Variants in CUL3 observed in about 807,000 individuals in gnomAD.
CUL3 encodes cullin-3.
Under a neutral mutation model 89.1 loss-of-function variants are expected in CUL3, and 19 were observed. The ratio of observed to expected loss-of-function variants is 0.21; its 90% CI spans 0.15 to 0.31. The LOEUF (loss-of-function observed/expected upper bound fraction) is 0.31, where lower values mean the gene tolerates loss of function less well. Ranked by LOEUF, CUL3 falls within the 10% of genes least tolerant of loss-of-function variation. The probability of loss-of-function intolerance (pLI) is 1.00; values close to 1 mark genes in which losing one functional copy is unlikely to be tolerated. For missense variants in CUL3, 469 were observed against 942.3 expected (o/e 0.50, Z 6.58); for synonymous variants, 351 against 308.4 (o/e 1.14, Z -1.45).
At chr2:224,521,672 C>T (rs1351947966) in intron 3 of CUL3, among the ~76,000 whole-genome samples, 1 of 151,974 alleles carries the variant, frequency 6.6e-6, no homozygotes, top group African/African-American at 2.4e-5. Context: ...CCCGCCTCGG[C>T]CTCTCAAAGT....
chr2:224,566,437 C>G (rs183379003), intron 1 of CUL3, among the ~76,000 whole-genome samples: 2 of 152,338 alleles, frequency 1.3e-5, no homozygotes, highest in Admixed American at 6.5e-5. Context: ...CTTATCCCTT[C>G]CTGCCTTGTA....
chr2:224,580,757 G>T (rs542851335), intron 1 of CUL3, among the ~76,000 whole-genome samples: 1 of 152,012 alleles, frequency 6.6e-6, no homozygotes, highest in Non-Finnish European at 1.5e-5. Flanking sequence ...ATCTGGAGTA[G>T]TATCTATAAA....
chr2:224,500,104 T>C, intron 11 of CUL3: 1 of 321,406 alleles, frequency 3.1e-6, no homozygotes, highest in Non-Finnish European at 5.9e-6. Flanking sequence ...TTTCCATTTT[T>C]ACTGCTGCTC....
intron 6 of CUL3, among the ~76,000 whole-genome samples, chr2:224,511,053 C>A (rs941111479): frequency 6.6e-6 from 1 of 152,144 alleles, no homozygotes; most frequent in Non-Finnish European, 1.5e-5. Flanking sequence ...ACAGGAAGTA[C>A]AGGAATGAAT....
chr2:224,563,642 A>C (rs951030295), intron 1 of CUL3, among the ~76,000 whole-genome samples: 3 of 152,182 alleles, frequency 2.0e-5, no homozygotes, highest in Admixed American at 6.5e-5. Flanking sequence ...TAAACTTTAA[A>C]TTGCATGCCA....
intron 3 of CUL3, among the ~76,000 whole-genome samples, chr2:224,521,663 C>T (rs1396843564): frequency 6.6e-6 from 1 of 152,024 alleles, no homozygotes; most frequent in East Asian, 1.9e-4. Context: ...AACTCCTGAC[C>T]CGCCTCGGCC....
chr2:224,553,833 A>T (rs1694605605), intron 2 of CUL3, among the ~76,000 whole-genome samples: 1 of 152,196 alleles, frequency 6.6e-6, no homozygotes, highest in Non-Finnish European at 1.5e-5. Flanking sequence ...AATGGTGAGA[A>T]ATATTTGTTT....
At chr2:224,526,607 A>AAAAAAAAAAAAAAG (rs1693487960) in intron 3 of CUL3, among the ~76,000 whole-genome samples, 1 of 150,768 alleles carries the variant, frequency 6.6e-6, no homozygotes. Context: ...AAAAAAAAAA[A>AAAAAAAAAAAAAAG]AAAAGAAAAG....
chr2:224,510,188 G>T (rs1488596260), intron 6 of CUL3, among the ~76,000 whole-genome samples: 10 of 140,370 alleles, frequency 7.1e-5, no homozygotes, highest in Admixed American at 5.9e-4. Flanking sequence ...CTCAATTTTA[G>T]AAAACACAGC....
At chr2:224,489,605 G>A (rs1691877145) in intron 13 of CUL3, among the ~76,000 whole-genome samples, 1 of 152,108 alleles carries the variant, frequency 6.6e-6, no homozygotes, top group Non-Finnish European at 1.5e-5. Context: ...AATATTCTAT[G>A]CTCATGGATA....
chr2:224,478,580 T>TA lies in CUL3; in HGVS notation c.2030-236dup, dbSNP rs1048091144. On this transcript the variant is annotated intron_variant, in intron 14 of 15. Transcript: ENST00000264414. The stretch of plus-strand genomic sequence containing the variant: ...GAGATAATAAAGTTGATTTTGTTTT[T>TA]ATGCAGAATATAATTTCTTACCTGG... 1.9e-5 allele frequency: 7 copies of TA among 374,340 alleles called. No individual in the cohort carries two copies. The Admixed American group carries it at 2.5e-4, about 14-fold the overall frequency. 23.2% of individuals were successfully genotyped at this position (374,340 alleles called of 1,614,324 possible).
At chr2:224,476,377 T>C (rs1691322281) in intron 15 of CUL3, among the ~76,000 whole-genome samples, 1 of 152,196 alleles carries the variant, frequency 6.6e-6, no homozygotes, top group Non-Finnish European at 1.5e-5. Flanking sequence ...CAAAAACATC[T>C]GCCAATCTCT....
chr2:224,518,916 A>G (rs1693165100), intron 3 of CUL3, among the ~76,000 whole-genome samples: 1 of 152,208 alleles, frequency 6.6e-6, no homozygotes, highest in Non-Finnish European at 1.5e-5. Context: ...ATGGCCTACA[A>G]TGTCTGCTAT....
rs146980307 is a variant in CUL3, at chr2:224,554,457, T to A, written c.264+3202A>T. Among the ~76,000 whole-genome samples the A allele has an allele frequency of 3.2e-3, 486 of 152,316 alleles. 2 individuals are homozygous for A. The highest frequency in any genetic ancestry group is 4.9e-3 in the Non-Finnish European group (334 of 68,016). ...CCCCTTACACTGAATTTCAGCATAC[T>A]ACAACTTGATCATTCTACCTTAGGA... On this transcript the variant is annotated intron_variant, in intron 2 of 15. Coordinates refer to ENST00000264414, the MANE Select transcript of CUL3 (RefSeq NM_003590.5).
At chr2:224,488,962 G>A (rs976009050) in intron 13 of CUL3, among the ~76,000 whole-genome samples, 1 of 152,134 alleles carries the variant, frequency 6.6e-6, no homozygotes, top group African/African-American at 2.4e-5. Flanking sequence ...TTCAACATAT[G>A]CAAATCAATA....
intron 15 of CUL3, among the ~76,000 whole-genome samples, chr2:224,475,163 G>A (rs764162680): frequency 9.2e-5 from 14 of 151,868 alleles, no homozygotes; most frequent in Non-Finnish European, 1.8e-4. Context: ...GACTACAGGC[G>A]CCCACCACCA....
intron 1 of CUL3, among the ~76,000 whole-genome samples, chr2:224,572,093 A>G (rs1335025874): frequency 6.6e-6 from 1 of 152,212 alleles, no homozygotes; most frequent in African/African-American, 2.4e-5. Flanking sequence ...CAGTGTTAAC[A>G]TTGAGTTATT....
intron 14 of CUL3, among the ~76,000 whole-genome samples, chr2:224,481,584 CTA>C (rs1479831531): frequency 6.6e-6 from 1 of 152,040 alleles, no homozygotes; most frequent in African/African-American, 2.4e-5. Context: ...CTTCCACTGA[CTA>C]TTAGTTAACA....
intron 2 of CUL3, chr2:224,556,318 G>A: frequency 6.6e-6 from 1 of 152,052 alleles, no homozygotes; most frequent in East Asian, 1.9e-4. Context: ...AAATCTGGCG[G>A]ACACCAATGA....
Sources: gnomAD v4.1 joint callset for allele counts (sites outside exome capture counted in the v4.1 genomes callset) on GRCh38, gnomAD v4.1.1 for gene constraint, MANE v1.5 for transcripts, NCBI Gene and HGNC (gene_info 2026-07-23, HGNC 2026-07-21) for gene names.